Variants in PTPN14 observed in about 807,000 individuals in gnomAD.
PTPN14 encodes the protein tyrosine-protein phosphatase non-receptor type 14.
PTPN14 carries 53 observed loss-of-function variants against 126.8 expected under a neutral mutation model. The observed-to-expected ratio is 0.42, with a 90% confidence interval of 0.34 to 0.53. PTPN14 has a LOEUF of 0.53. Ranked by LOEUF, PTPN14 falls within the 20% of genes least tolerant of loss-of-function variation. The pLI is 0.08. For synonymous variants in PTPN14, 630 were observed against 599.3 expected (o/e 1.05, Z -0.75); for missense variants, 1,257 against 1,552.9 (o/e 0.81, Z 3.20).
At chr1:214,499,468 C>T (rs1341910302) in intron 1 of PTPN14, among the ~76,000 whole-genome samples, 2 of 152,182 alleles carry the variant, frequency 1.3e-5, no homozygotes, top group East Asian at 1.9e-4. Flanking sequence ...GGAAGGTGGA[C>T]CAGGAGGCTG....
chr1:214,445,620 T>C (rs1050678290), intron 3 of PTPN14, among the ~76,000 whole-genome samples: 10 of 152,048 alleles, frequency 6.6e-5, no homozygotes, highest in African/African-American at 1.9e-4. Context: ...TAGAAGTTTG[T>C]AGCCTAAATT....
chr1:214,484,240 T>TA (rs1292639051), intron 1 of PTPN14, among the ~76,000 whole-genome samples: 1 of 152,016 alleles, frequency 6.6e-6, no homozygotes, highest in Non-Finnish European at 1.5e-5. Flanking sequence ...CTAGTCTCTA[T>TA]AAAAAATTAA....
chr1:214,491,545 G>A (rs994861796), intron 1 of PTPN14, among the ~76,000 whole-genome samples: 11 of 152,150 alleles, frequency 7.2e-5, no homozygotes, highest in Non-Finnish European at 1.6e-4. Flanking sequence ...GGCTTGAGCT[G>A]TTCACGATAG....
At chr1:214,400,547 A>G (rs756713087) in intron 7 of PTPN14, among the ~76,000 whole-genome samples, 1 of 152,210 alleles carries the variant, frequency 6.6e-6, no homozygotes, top group Non-Finnish European at 1.5e-5. Context: ...CGCAGTCCAC[A>G]TTAAAAAACA....
chr1:214,464,044 GC>G (rs1660569723), intron 2 of PTPN14, among the ~76,000 whole-genome samples: 1 of 152,104 alleles, frequency 6.6e-6, no homozygotes, highest in Admixed American at 6.5e-5. Flanking sequence ...TTGCTTAAAA[GC>G]CATCTCACAG....
At chr1:214,480,294 T>A (rs1321433297) in intron 1 of PTPN14, among the ~76,000 whole-genome samples, 1 of 152,258 alleles carries the variant, frequency 6.6e-6, no homozygotes, top group African/African-American at 2.4e-5. Flanking sequence ...ATTTCTTCAC[T>A]TATAAGATGA....
intron 1 of PTPN14, among the ~76,000 whole-genome samples, chr1:214,544,806 A>G (rs754166265): frequency 2.0e-5 from 3 of 151,390 alleles, no homozygotes; most frequent in Non-Finnish European, 4.4e-5. Context: ...GAGAAAAAAG[A>G]GGAGGGAAGA....
intron 7 of PTPN14, among the ~76,000 whole-genome samples, chr1:214,399,432 A>G (rs1658966101): frequency 6.6e-6 from 1 of 152,212 alleles, no homozygotes; most frequent in African/African-American, 2.4e-5. Flanking sequence ...TTTCATGAAC[A>G]TCTATTGATG....
chr1:214,444,839 A>G (rs571522295), intron 3 of PTPN14, among the ~76,000 whole-genome samples: 2 of 152,264 alleles, frequency 1.3e-5, no homozygotes, highest in South Asian at 2.1e-4. Context: ...ATGGGCCCAA[A>G]TACGTAACTG....
chr1:214,409,044 T>C (rs551176362), intron 5 of PTPN14, among the ~76,000 whole-genome samples: 1 of 152,384 alleles, frequency 6.6e-6, no homozygotes, highest in East Asian at 1.9e-4. Context: ...ATTGTGGAAT[T>C]GGCAAGTTAG....
At chr1:214,386,561 G>A (rs1187609342) in intron 12 of PTPN14, among the ~76,000 whole-genome samples, 1 of 152,208 alleles carries the variant, frequency 6.6e-6, no homozygotes, top group Admixed American at 6.5e-5. Context: ...GGGCTGAGCT[G>A]TCATACTCTC....
At chr1:214,499,770 G>A (rs76545379) in intron 1 of PTPN14, among the ~76,000 whole-genome samples, 8,450 of 151,932 alleles carry the variant, frequency 0.056, 256 homozygotes, top group Middle Eastern at 0.13. Flanking sequence ...TCTAATTTAA[G>A]CATTCATTTT....
rs1376765297 is a variant in PTPN14, at chr1:214,463,187, TA to T, written c.174+1442del. On this transcript the variant is annotated intron_variant, in intron 2 of 18. Coordinates refer to ENST00000366956, the MANE Select transcript of PTPN14 (RefSeq NM_005401.5). ...TCTAATTTGAGTGACTGGAAGTACT[TA>T]AAAGTAAAAATACTAGTTTTCTATA... Among the ~76,000 whole-genome samples the T allele has an allele frequency of 3.3e-5, 5 of 152,344 alleles. No individual in the cohort carries two copies. In the East Asian group the frequency reaches 9.6e-4, roughly 29 times the overall value.
chr1:214,521,220 T>C (rs1486581425), intron 1 of PTPN14, among the ~76,000 whole-genome samples: 1 of 152,222 alleles, frequency 6.6e-6, no homozygotes, highest in Non-Finnish European at 1.5e-5. Context: ...ATATTTCTCA[T>C]ATAAATGCAT....
At chr1:214,438,310 C>A (rs569886938) in intron 3 of PTPN14, among the ~76,000 whole-genome samples, 2 of 152,300 alleles carry the variant, frequency 1.3e-5, no homozygotes, top group African/African-American at 4.8e-5. Flanking sequence ...ATAACCTTAG[C>A]CTTCCTACAC....
intron 1 of PTPN14, among the ~76,000 whole-genome samples, chr1:214,544,854 G>A (rs553593542): frequency 1.3e-5 from 2 of 151,598 alleles, no homozygotes; most frequent in East Asian, 1.9e-4. Context: ...AAGAGGAGGT[G>A]AGAGAGAAAA....
chr1:214,411,459 T>C (rs1659307389), intron 5 of PTPN14, among the ~76,000 whole-genome samples: 1 of 152,138 alleles, frequency 6.6e-6, no homozygotes, highest in Non-Finnish European at 1.5e-5. Context: ...CATTTTTATA[T>C]ACTAATAAGA....
chr1:214,436,706 G>A, intron 3 of PTPN14, among the ~76,000 whole-genome samples: 1 of 148,974 alleles, frequency 6.7e-6, no homozygotes, highest in African/African-American at 2.5e-5. Flanking sequence ...AGAATCACTT[G>A]AACCCGGGAG....
chr1:214,424,853 C>A (rs1659625796), intron 3 of PTPN14, among the ~76,000 whole-genome samples: 1 of 151,744 alleles, frequency 6.6e-6, no homozygotes, highest in South Asian at 2.1e-4. Context: ...CCGGCCCGCC[C>A]ACCCTACATT....
Sources: allele counts gnomAD v4.1 joint callset (sites outside exome capture counted in the v4.1 genomes callset), GRCh38; gene constraint gnomAD v4.1.1; transcripts MANE v1.5; gene names NCBI Gene and HGNC (gene_info 2026-07-23, HGNC 2026-07-21).